L3MBTL1: variants seen among roughly 807,000 people sequenced by gnomAD.
L3MBTL1 encodes the protein lethal(3)malignant brain tumor-like protein 1.
In L3MBTL1, 75 loss-of-function variants were observed where a neutral mutation model predicts 105.3. The observed-to-expected ratio is 0.71, with a 90% CI of 0.59 to 0.86. The LOEUF is 0.86. L3MBTL1 is among the 40% of genes least tolerant of loss of function. L3MBTL1 has a pLI of 0.00. For synonymous variants in L3MBTL1, 452 were observed against 436.2 expected (o/e 1.04, Z -0.45); for missense variants, 1,069 against 1,126.4 (o/e 0.95, Z 0.73).
intron 19 of L3MBTL1, chr20:43,539,618 G>A: frequency 4.7e-6 from 1 of 211,164 alleles, no homozygotes; most frequent in Non-Finnish European, 9.7e-6. Context: ...GGGAGGAACT[G>A]GAGCTTGAGG....
intron 7 of L3MBTL1, among the ~76,000 whole-genome samples, chr20:43,527,722 CTTTT>C (rs113455397): frequency 2.1e-5 from 3 of 141,814 alleles, no homozygotes; most frequent in African/African-American, 2.6e-5. Flanking sequence ...AAAAGTGTTT[CTTTT>C]TTTTTTTTTT....
intron 12 of L3MBTL1, 120 bp downstream of exon 12, chr20:43,533,044 C>T (rs1415422327): frequency 2.4e-5 from 23 of 964,914 alleles, no homozygotes; most frequent in Admixed American, 2.2e-4. Flanking sequence ...GATCTTCCTC[C>T]GGTTGGAAGA....
rs775994359 is a variant in L3MBTL1, at chr20:43,534,353, C to T, written c.1669C>T (p.Arg557Cys). 6 of 1,614,092 alleles carry T rather than the reference C, an allele frequency of 3.7e-6. No homozygotes were observed. Among genetic ancestry groups the T allele is most frequent in the Non-Finnish European group, 5.1e-6 (6 of 1,179,998 alleles). ...AVDRRNPALI[R>C]VASVEDVEDH... ...GGACCGCAGGAACCCAGCCCTGATTCGCGTGGCCAGCGTGGAGGATGTGGA... is the reference window on the plus strand; with the variant it reads ...GGACCGCAGGAACCCAGCCCTGATTTGCGTGGCCAGCGTGGAGGATGTGGA... Residue 557 changes from arginine (R) to cysteine (C), a missense_variant, in exon 15 of 22, where the codon CGC becomes TGC. Physicochemically the swap from Arg to Cys is radical, Grantham distance 180 (BLOSUM62 -3). Transcript: ENST00000418998.
rs548216947 is a variant in L3MBTL1 at position 43,510,409 on chromosome 20, T to TCTTTCTTTCTTTC, written c.-29+2665_-29+2666insCTTTCTTTCTTTC. 3.1e-3 allele frequency among the ~76,000 whole-genome samples: 443 copies of TCTTTCTTTCTTTC among 141,934 alleles called. 3 individuals carry two copies. The highest frequency in any genetic ancestry group is 0.012 in the African/African-American group (428 of 36,722). 93.1% of individuals were successfully genotyped at this position (141,934 alleles called of 152,430 possible). ...AATTTTCTTTCTTTCTTTCTTTCTT[T>TCTTTCTTTCTTTC]TTTTTTTTTTTTTGAGGTGGAGTCT... On this transcript the variant is annotated intron_variant, in intron 1 of 21. Transcript: ENST00000418998.
rs977893058 is a variant in L3MBTL1 at position 43,524,309 on chromosome 20, C to G, written c.863-4348C>G. 2.6e-5 allele frequency among the ~76,000 whole-genome samples: 4 copies of G among 152,132 alleles called. No individual in the cohort carries two copies. The South Asian group carries it at 8.3e-4, about 32-fold the overall frequency. ...CCTCTAAATACTGCTTTGGCTGCAT[C>G]TCAGTTTTTGATACATAGTTATTTC... On this transcript the variant is annotated intron_variant, in intron 7 of 21. Transcript: ENST00000418998.
rs188432768 is a variant in L3MBTL1 at position 43,521,802 on chromosome 20, C to T, written c.862+5625C>T. On this transcript the variant is annotated intron_variant, in intron 7 of 21. Coordinates refer to ENST00000418998, the MANE Select transcript of L3MBTL1 (RefSeq NM_001377303.1). ...TCCTGAGTGCAAGCGATCCTCCTGCCTCAGCCTTCTGAGTAGCTGGGACTG... is the reference window on the plus strand; with the variant it reads ...TCCTGAGTGCAAGCGATCCTCCTGCTTCAGCCTTCTGAGTAGCTGGGACTG... Among the ~76,000 whole-genome samples the T allele has an allele frequency of 7.9e-5, 12 of 152,314 alleles. 1 individual carries two copies. In the East Asian group the frequency reaches 2.1e-3, roughly 27 times the overall value.
At chr20:43,534,236 G>A (rs768400388) in intron 14 of L3MBTL1, 48 bp from the exon 15 acceptor site, 1 of 1,585,948 alleles carries the variant, frequency 6.3e-7, no homozygotes, top group Non-Finnish European at 8.6e-7. Flanking sequence ...GTGGGGCTCA[G>A]CTCTGCTGAG....
At chr20:43,509,306 C>T (rs926992842) in intron 1 of L3MBTL1, among the ~76,000 whole-genome samples, 1 of 152,052 alleles carries the variant, frequency 6.6e-6, no homozygotes, top group Non-Finnish European at 1.5e-5. Context: ...CTCACTGCAG[C>T]CTTTACCTCC....
At chr20:43,532,961 G>A (rs2019418013) in intron 12 of L3MBTL1, 37 bp downstream of exon 12, 1 of 1,609,668 alleles carries the variant, frequency 6.2e-7, no homozygotes, top group African/African-American at 1.3e-5. Flanking sequence ...CAGGGGGTGA[G>A]GGGATGGCAG....
At chr20:43,526,134 G>C (rs1038376341) in intron 7 of L3MBTL1, among the ~76,000 whole-genome samples, 1 of 152,190 alleles carries the variant, frequency 6.6e-6, no homozygotes, top group African/African-American at 2.4e-5. Context: ...AGGGAAGCAA[G>C]CTGAGAATTG....
chr20:43,525,486 G>C (rs1317794872), intron 7 of L3MBTL1, among the ~76,000 whole-genome samples: 2 of 152,180 alleles, frequency 1.3e-5, no homozygotes, highest in African/African-American at 4.8e-5. Context: ...TTGGCAGAAA[G>C]CCCAGGATGG....
At chr20:43,542,964 A>AT (rs2019971170), downstream of L3MBTL1, among the ~76,000 whole-genome samples, 1 of 152,096 alleles carries the variant, frequency 6.6e-6, no homozygotes, top group Non-Finnish European at 1.5e-5. Context: ...TTTGAACCCT[A>AT]TTTTTTTGTT....
intron 7 of L3MBTL1, among the ~76,000 whole-genome samples, chr20:43,518,689 A>G (rs2018534121): frequency 6.6e-6 from 1 of 151,830 alleles, no homozygotes; most frequent in African/African-American, 2.4e-5. Flanking sequence ...TTTCCTATCC[A>G]TACCTACGAT....
At chr20:43,530,724 G>C (rs2019292213) in intron 10 of L3MBTL1, 74 bp from the exon 11 acceptor site, 6 of 1,381,966 alleles carry the variant, frequency 4.3e-6, no homozygotes, top group Middle Eastern at 2.4e-4. Context: ...TGATTCTGCT[G>C]CTTCACTGTG....
At chr20:43,534,142 G>A (rs368834171) in intron 14 of L3MBTL1, 49 bp downstream of exon 14, 9 of 1,573,086 alleles carry the variant, frequency 5.7e-6, no homozygotes, top group Admixed American at 1.7e-5. Flanking sequence ...AAGACATGGA[G>A]CACTCAGCTA....
chr20:43,528,874 G>T, intron 8 of L3MBTL1, 129 bp downstream of exon 8: 1 of 747,606 alleles, frequency 1.3e-6, no homozygotes. Flanking sequence ...GAAAGGGAGA[G>T]ACTGTTTAGG....
intron 1 of L3MBTL1, among the ~76,000 whole-genome samples, 199 bp downstream of exon 1, chr20:43,507,943 G>A (rs181801279): frequency 2.0e-5 from 3 of 152,280 alleles, no homozygotes; most frequent in Non-Finnish European, 2.9e-5. Flanking sequence ...CGCGCAGGGG[G>A]CCAGGCGGGT....
intron 7 of L3MBTL1, among the ~76,000 whole-genome samples, chr20:43,526,655 C>G (rs943361605): frequency 1.3e-5 from 2 of 152,186 alleles, no homozygotes; most frequent in Non-Finnish European, 2.9e-5. Context: ...GGAATTTAGG[C>G]AGCTGCAAGA....
intron 7 of L3MBTL1, among the ~76,000 whole-genome samples, chr20:43,520,504 A>C (rs2018651737): frequency 6.6e-6 from 1 of 152,144 alleles, no homozygotes; most frequent in Admixed American, 6.5e-5. Flanking sequence ...GTACCATTTT[A>C]CATTCCCACC....
Sources: gnomAD v4.1 joint callset for allele counts (sites outside exome capture counted in the v4.1 genomes callset) on GRCh38, gnomAD v4.1.1 for gene constraint, MANE v1.5 for transcripts, NCBI Gene and HGNC (gene_info 2026-07-23, HGNC 2026-07-21) for gene names.